SIPA1L3: variants seen among roughly 807,000 people sequenced by gnomAD.
The protein encoded by SIPA1L3 is signal induced proliferation associated 1 like 3.
A neutral mutation model predicts 150.1 loss-of-function variants in SIPA1L3; 59 were observed. That is an observed-to-expected ratio of 0.39 (90% CI 0.32 to 0.49). The LOEUF (loss-of-function observed/expected upper bound fraction) is 0.49, where lower values mean the gene tolerates loss of function less well. Among genes scored for constraint, SIPA1L3 ranks in the 20% least tolerant of loss-of-function variants. The pLI is 0.86. For missense variants in SIPA1L3, 2,211 were observed against 2,489.5 expected (o/e 0.89, Z 2.38); for synonymous variants, 1,070 against 1,077.6 (o/e 0.99, Z 0.14).
At position 38,047,757 on chromosome 19, in the gene SIPA1L3, C is replaced by T. The variant is rs1280561689; in HGVS notation, c.-311+18601C>T. ...TCTCCTCATGGAGGGCCTCGGACCACGTGTCATTTTAGAGACCCCAGCGGC... is the reference window on the plus strand; with the variant it reads ...TCTCCTCATGGAGGGCCTCGGACCATGTGTCATTTTAGAGACCCCAGCGGC... On this transcript the variant is annotated intron_variant, in intron 2 of 21. Transcript: ENST00000222345. The surrounding 1 kb of genome is among the most constrained non-coding windows in gnomAD (Gnocchi z 4.7). Among the ~76,000 whole-genome samples, 3 of 152,162 alleles carry T rather than the reference C, an allele frequency of 2.0e-5. No homozygotes were observed. The highest frequency in any genetic ancestry group is 6.5e-5 in the Admixed American group (1 of 15,278).
chr19:38,058,444 G>A (rs923472628), intron 2 of SIPA1L3, among the ~76,000 whole-genome samples: 3 of 152,052 alleles, frequency 2.0e-5, no homozygotes, highest in South Asian at 2.1e-4. Flanking sequence ...GGGTAGAGGC[G>A]CCTCCCCTCT....
At chr19:37,950,601 C>T (rs942018483) in intron 1 of SIPA1L3, among the ~76,000 whole-genome samples, 10 of 152,228 alleles carry the variant, frequency 6.6e-5, no homozygotes, top group South Asian at 2.1e-4. Flanking sequence ...CACACTTGAA[C>T]GCGAGCTGAT....
chr19:38,123,795 GGGT>G (rs1568562393), intron 9 of SIPA1L3, among the ~76,000 whole-genome samples: 14 of 151,634 alleles, frequency 9.2e-5, no homozygotes, highest in Admixed American at 4.6e-4. Flanking sequence ...CTCCCAGACG[GGGT>G]GGCGGCCGGG....
intron 1 of SIPA1L3, among the ~76,000 whole-genome samples, chr19:38,022,076 A>G (rs1968383658): frequency 6.6e-6 from 1 of 152,232 alleles, no homozygotes; most frequent in Non-Finnish European, 1.5e-5. Context: ...TGCATTTAGT[A>G]GGCACCATTG....
At chr19:38,010,259 T>A (rs1488608265) in intron 1 of SIPA1L3, among the ~76,000 whole-genome samples, 1 of 151,906 alleles carries the variant, frequency 6.6e-6, no homozygotes, top group Non-Finnish European at 1.5e-5. Flanking sequence ...ATTTTTTAAA[T>A]GAGCTGGGCA....
At chr19:38,160,807 C>T (rs986863389) in intron 13 of SIPA1L3, among the ~76,000 whole-genome samples, 2 of 152,148 alleles carry the variant, frequency 1.3e-5, no homozygotes, top group East Asian at 1.9e-4. Context: ...TGCTCAAAGT[C>T]GCATGTAGAG....
At chr19:38,174,707 A>C (rs1402481478) in intron 15 of SIPA1L3, among the ~76,000 whole-genome samples, 2 of 152,010 alleles carry the variant, frequency 1.3e-5, no homozygotes, top group Admixed American at 6.6e-5. Flanking sequence ...AAAATTAGCC[A>C]GGTGTGGTGG....
Position 37,940,004 on chromosome 19 carries a change from G to A in SIPA1L3, c.-379+32646G>A, listed in dbSNP as rs780905759. Among the ~76,000 whole-genome samples the A allele has an allele frequency of 3.2e-4, 48 of 152,328 alleles. 1 individual carries two copies. The highest frequency in any genetic ancestry group is 3.4e-3 in the Middle Eastern group (1 of 294). On this transcript the variant is annotated intron_variant, in intron 1 of 21. Coordinates refer to ENST00000222345, the MANE Select transcript of SIPA1L3 (RefSeq NM_015073.3). ...GTACAGGCACTATTCTGGGAACTGG[G>A]AAGAGAGTAATGGAAAAGCAAACGG... is the stretch of plus-strand genomic sequence containing the variant.
intron 2 of SIPA1L3, among the ~76,000 whole-genome samples, chr19:38,077,008 A>G (rs1969852878): frequency 6.6e-6 from 1 of 152,240 alleles, no homozygotes; most frequent in South Asian, 2.1e-4. Flanking sequence ...CAAAAGGAAG[A>G]AGGAGGATCT....
chr19:37,924,525 A>G (rs1298594538), intron 1 of SIPA1L3, among the ~76,000 whole-genome samples: 2 of 151,866 alleles, frequency 1.3e-5, no homozygotes, highest in Admixed American at 6.6e-5. Flanking sequence ...TAAAAATACA[A>G]AAGTTAGCTG....
intron 15 of SIPA1L3, among the ~76,000 whole-genome samples, chr19:38,170,480 G>T (rs576642500): frequency 8.5e-5 from 13 of 152,302 alleles, no homozygotes; most frequent in African/African-American, 3.1e-4. Flanking sequence ...TGGAAGGCAG[G>T]CACCTTTGAA....
chr19:37,936,269 A>G (rs889204333), intron 1 of SIPA1L3, among the ~76,000 whole-genome samples: 1 of 152,180 alleles, frequency 6.6e-6, no homozygotes, highest in Non-Finnish European at 1.5e-5. Flanking sequence ...AAGGGTCAAT[A>G]AGGAAGAAGA....
chr19:38,141,454 G>C lies in SIPA1L3; in HGVS notation c.3395+19G>C. The C allele has an allele frequency of 6.3e-7, 1 of 1,598,452 alleles. No homozygotes were observed. The highest frequency in any genetic ancestry group is 8.5e-7 in the Non-Finnish European group (1 of 1,177,070). On this transcript the variant is annotated intron_variant, in intron 11 of 21. Coordinates refer to ENST00000222345, the MANE Select transcript of SIPA1L3 (RefSeq NM_015073.3). ...GCAAGAGGTAAGCACCTGCTGGGGG[G>C]ACCAATACTTCCCAACCCCCACCAG...
intron 1 of SIPA1L3, among the ~76,000 whole-genome samples, chr19:37,942,091 A>T (rs2046664537): frequency 6.6e-6 from 1 of 152,214 alleles, no homozygotes; most frequent in Non-Finnish European, 1.5e-5. Context: ...AAACTCATTC[A>T]TTCATTCCAT....
chr19:38,043,395 C>A (rs1725518), intron 2 of SIPA1L3, among the ~76,000 whole-genome samples: 61,331 of 151,590 alleles, frequency 0.4, 13,968 homozygotes, highest in African/African-American at 0.63. Flanking sequence ...AGAGAAAAAG[C>A]GAGAGAAAGA....
rs756430486 is a variant in SIPA1L3 at position 38,141,264 on chromosome 19, C to G, written c.3224C>G (p.Pro1075Arg). Residue 1075 changes from proline (P) to arginine (R), a missense_variant, in exon 11 of 22, where the codon CCC (proline) becomes CGC (arginine). By Grantham distance (103) the Pro-to-Arg change is moderately radical. Coordinates refer to ENST00000222345, the MANE Select transcript of SIPA1L3 (RefSeq NM_015073.3). Reference protein sequence around the residue: ...QESITPGGRPPYRSNAPWQWS... With the variant: ...QESITPGGRPRYRSNAPWQWS... ...AGCATCACTCCTGGGGGCCGGCCCC[C>G]CTACCGCAGCAATGCTCCCTGGCAG... 5.0e-6 allele frequency: 8 copies of G among 1,613,726 alleles called. No homozygotes were observed. In the Admixed American group the frequency reaches 6.7e-5, roughly 13 times the overall value.
intron 1 of SIPA1L3, among the ~76,000 whole-genome samples, chr19:37,944,189 A>G (rs1443301107): frequency 6.6e-6 from 1 of 151,956 alleles, no homozygotes; most frequent in Non-Finnish European, 1.5e-5. Context: ...GAGACAGGAG[A>G]ATCGCTTGAA....
intron 13 of SIPA1L3, among the ~76,000 whole-genome samples, chr19:38,157,968 C>T (rs562013942): frequency 6.6e-5 from 10 of 152,256 alleles, no homozygotes; most frequent in Middle Eastern, 3.4e-3. Context: ...AGGCTGGGCA[C>T]GGTGTCTCAT....
At chr19:38,163,218 G>C (rs754272271) in intron 14 of SIPA1L3, among the ~76,000 whole-genome samples, 1 of 152,138 alleles carries the variant, frequency 6.6e-6, no homozygotes, top group African/African-American at 2.4e-5. Flanking sequence ...GGCTGGGCGC[G>C]GTGGCTCACG....
Sources: allele counts gnomAD v4.1 joint callset (sites outside exome capture counted in the v4.1 genomes callset), GRCh38; gene constraint gnomAD v4.1.1; non-coding constraint Gnocchi (gnomAD v3.1); transcripts MANE v1.5; gene names NCBI Gene and HGNC (gene_info 2026-07-23, HGNC 2026-07-21).